PRR19: variants seen among roughly 807,000 people sequenced by gnomAD.
PRR19 encodes proline rich 19.
Under a neutral mutation model 19.2 loss-of-function variants are expected in PRR19, and 9 were observed. The observed-to-expected ratio is 0.47, with a 90% CI of 0.28 to 0.82. The LOEUF (loss-of-function observed/expected upper bound fraction) is 0.82, where lower values mean the gene tolerates loss of function less well. PRR19 is among the 40% of genes least tolerant of loss of function. The pLI is 0.11. For missense variants in PRR19, 457 were observed against 466.0 expected, an observed-to-expected ratio of 0.98 and a Z score of 0.18; for synonymous variants, 190 against 191.0, an observed-to-expected ratio of 0.99 and a Z score of 0.04.
At position 42,310,612 on chromosome 19, in the gene PRR19, C is replaced by A; in HGVS notation, c.943C>A (p.Pro315Thr). 1 of 1,614,032 alleles carries A rather than the reference C, an allele frequency of 6.2e-7. No individual in the cohort carries two copies. ...TCAGCCCCTGCCTCAGCCTTCATCA[C>A]CCCTGTTGCCCCGAACCTCTGTCCT... is the stretch of plus-strand genomic sequence containing the variant. Reference protein sequence around the residue: ...LPQPLPQPSSPLLPRTSVLDW... With the variant: ...LPQPLPQPSSTLLPRTSVLDW... The change falls in exon 3 of 3, where the codon CCC becomes ACC. Residue 315 changes from proline to threonine, a missense_variant. By Grantham distance (38) the Pro-to-Thr change is conservative. Coordinates refer to ENST00000341747, the MANE Select transcript of PRR19 (RefSeq NM_199285.3).
intron 1 of PRR19, among the ~76,000 whole-genome samples, chr19:42,305,562 G>A (rs1326367403): frequency 6.6e-6 from 1 of 152,148 alleles, no homozygotes; most frequent in Non-Finnish European, 1.5e-5. Context: ...ACAGGCGTGA[G>A]CCACCATACC....
intron 1 of PRR19, among the ~76,000 whole-genome samples, chr19:42,304,466 A>AAAAAAG (rs2038685490): frequency 1.3e-5 from 2 of 150,810 alleles, no homozygotes; most frequent in African/African-American, 4.9e-5. Context: ...AAAAAAAAAA[A>AAAAAAG]AAAAGGCTGG....
intron 1 of PRR19, among the ~76,000 whole-genome samples, chr19:42,302,943 A>C (rs530431570): frequency 8.5e-4 from 129 of 151,890 alleles, no homozygotes; most frequent in African/African-American, 2.6e-3. Flanking sequence ...TGTGGGGGAC[A>C]GAAAAGGAAG....
Position 42,302,444 on chromosome 19 carries a change from G to A in PRR19, c.-66G>A. ...GTCCCAACGCTAGCACACCCGCGGA[G>A]GACGAAGGCCGATACAGGGCGCCGC... On this transcript the variant is annotated 5_prime_UTR_variant, in exon 1 of 3. Transcript: ENST00000341747. 1.3e-6 allele frequency: 1 copy of A among 755,202 alleles called. No homozygotes were observed. The allele number at this position is 755,202 out of a possible 1,614,324, so 46.8% of individuals were successfully genotyped here.
At chr19:42,304,447 T>C (rs1298995588) in intron 1 of PRR19, among the ~76,000 whole-genome samples, 9 of 136,578 alleles carry the variant, frequency 6.6e-5, no homozygotes, top group African/African-American at 2.5e-4. Flanking sequence ...AGTGAGACCC[T>C]GTCTAAAAAA....
rs111321777 is a variant in PRR19, at chr19:42,310,559, C to A, written c.890C>A (p.Pro297His). The A allele has an allele frequency of 5.5e-4, 891 of 1,614,176 alleles. 16 individuals carry two copies. The African/African-American group carries it at 9.6e-3, about 17-fold the overall frequency. The change falls in exon 3 of 3, where the codon CCT (proline) becomes CAT (histidine). Residue 297 changes from proline to histidine, a missense_variant. Transcript: ENST00000341747. ...ATCTGGCTGGTAGCCACGCCACCCC[C>A]TCCTCGGCCCTGGGGGGTTGGCCTC... ...KSIWLVATPP[P>H]PRPWGVGLPQ...
At position 42,302,216 on chromosome 19, in the gene PRR19, A is replaced by G; in HGVS notation, c.-294A>G. 1 of 1,580,566 alleles carries G rather than the reference A, an allele frequency of 6.3e-7. No individual in the cohort carries two copies. Among genetic ancestry groups the G allele is most frequent in the Non-Finnish European group, 8.6e-7 (1 of 1,162,852 alleles). On this transcript the variant is annotated 5_prime_UTR_variant, in exon 1 of 3. Transcript: ENST00000341747. Reference sequence around the variant, plus strand: ...GCGCCCCCGGACTCCTCAATATCCCAGGTGGGAACGCTCACCAGGGACATC... The same window carrying G: ...GCGCCCCCGGACTCCTCAATATCCCGGGTGGGAACGCTCACCAGGGACATC...
intron 1 of PRR19, chr19:42,303,319 G>A (rs1228433546): frequency 6.6e-6 from 1 of 151,982 alleles, no homozygotes; most frequent in Non-Finnish European, 1.5e-5. Flanking sequence ...GCGTCCCTCC[G>A]GCAGATCATC....
chr19:42,307,331 GT>G (rs1568541572), intron 1 of PRR19, among the ~76,000 whole-genome samples: 1 of 151,904 alleles, frequency 6.6e-6, no homozygotes, highest in East Asian at 1.9e-4. Flanking sequence ...GCATTCCCCT[GT>G]ACCTCGTCTA....
At chr19:42,304,624 C>T (rs2038688255) in intron 1 of PRR19, among the ~76,000 whole-genome samples, 1 of 151,764 alleles carries the variant, frequency 6.6e-6, no homozygotes, top group East Asian at 1.9e-4. Context: ...GTGGCAGGCG[C>T]CTGTTGTCCC....
At chr19:42,308,724 T>G (rs1446423947) in intron 1 of PRR19, 2 of 151,932 alleles carry the variant, frequency 1.3e-5, no homozygotes, top group Non-Finnish European at 2.9e-5. Flanking sequence ...TTATTTTTAT[T>G]TTTTGTAGAG....
In PRR19 at chr19:42,310,447, G is replaced by C. The variant is rs771657527; in HGVS notation, c.778G>C (p.Gly260Arg). 6.2e-7 allele frequency: 1 copy of C among 1,614,196 alleles called. No homozygotes were observed. The highest frequency in any genetic ancestry group is 8.5e-7 in the Non-Finnish European group (1 of 1,180,026). Reference sequence around the variant, plus strand: ...CAGGGGGAGTCTGGCACCGCCAAGAGGTCCCTGGCCACCATACTTTCCCTC... The same window carrying C: ...CAGGGGGAGTCTGGCACCGCCAAGACGTCCCTGGCCACCATACTTTCCCTC... ...AHRGSLAPPRGPWPPYFPSLS... is the reference protein window; with the variant it reads ...AHRGSLAPPRRPWPPYFPSLS... The change falls in exon 3 of 3, where the codon GGT becomes CGT. Residue 260 changes from glycine to arginine, a missense_variant. Coordinates refer to ENST00000341747, the MANE Select transcript of PRR19 (RefSeq NM_199285.3).
At position 42,310,767 on chromosome 19, in the gene PRR19, C is replaced by A; in HGVS notation, c.*27C>A. On this transcript the variant is annotated 3_prime_UTR_variant, in exon 3 of 3. Transcript: ENST00000341747. Reference sequence around the variant, plus strand: ...GAGAGGCTGAGGCTAGGGCTGGGGACAGATATCTTGTACTCCCAGTGACCT... The same window carrying A: ...GAGAGGCTGAGGCTAGGGCTGGGGAAAGATATCTTGTACTCCCAGTGACCT... 1 of 1,442,526 alleles carries A rather than the reference C, an allele frequency of 6.9e-7. No homozygotes were observed. Among genetic ancestry groups the A allele is most frequent in the Non-Finnish European group, 9.4e-7 (1 of 1,066,678 alleles). The allele number at this position is 1,442,526 out of a possible 1,614,324, so 89.4% of individuals were successfully genotyped here.
At chr19:42,308,103 CCT>C (rs2038735157) in intron 1 of PRR19, among the ~76,000 whole-genome samples, 2 of 152,048 alleles carry the variant, frequency 1.3e-5, no homozygotes, top group South Asian at 2.1e-4. Flanking sequence ...TTCCTAATAG[CCT>C]CTCTCTGTTT....
rs1238585201 is a variant in PRR19 at position 42,310,674 on chromosome 19, C to A, written c.1005C>A (p.Ser335Arg). 14 of 1,607,300 alleles carry A rather than the reference C, an allele frequency of 8.7e-6. No individual in the cohort carries two copies. The East Asian group carries it at 3.1e-4, about 36-fold the overall frequency. Residue 335 changes from serine (S) to arginine (R), a missense_variant, in exon 3 of 3, where the codon AGC (serine) becomes AGA (arginine). By Grantham distance (110) the Ser-to-Arg change is moderately radical (BLOSUM62 -1). Coordinates refer to ENST00000341747, the MANE Select transcript of PRR19 (RefSeq NM_199285.3). ...WSPSPPSPLP[S>R]LSWVVAQSSP... Reference sequence around the variant, plus strand: ...CCAGCCCCCCTTCCCCACTGCCCAGCCTCTCCTGGGTAGTAGCCCAGAGCA... The same window carrying A: ...CCAGCCCCCCTTCCCCACTGCCCAGACTCTCCTGGGTAGTAGCCCAGAGCA...
At chr19:42,303,064 GGT>G (rs59660057) in intron 1 of PRR19, among the ~76,000 whole-genome samples, 11,368 of 133,858 alleles carry the variant, frequency 0.085, 641 homozygotes, top group African/African-American at 0.17. Context: ...AAACACCGTG[GGT>G]GTGTGTGTGT....
At chr19:42,309,420 G>C (rs2038755902) in intron 1 of PRR19, 159 bp from the exon 2 acceptor site, 1 of 566,256 alleles carries the variant, frequency 1.8e-6, no homozygotes, top group African/African-American at 1.8e-5. Flanking sequence ...TGTTGGCTAG[G>C]CTGGTCTAAA....
chr19:42,310,654 C>A lies in PRR19; in HGVS notation c.985C>A (p.Pro329Thr), dbSNP rs972080152. The A allele has an allele frequency of 6.2e-7, 1 of 1,611,828 alleles. No individual in the cohort carries two copies. Among genetic ancestry groups the A allele is most frequent in the Non-Finnish European group, 8.5e-7 (1 of 1,178,926 alleles). Residue 329 changes from proline (P) to threonine (T), a missense_variant, in exon 3 of 3, where the codon CCC (proline) becomes ACC (threonine). By Grantham distance (38) the Pro-to-Thr change is conservative (BLOSUM62 -1). Transcript: ENST00000341747. ...CTCTGTCCTGGACTGGAGCCCCAGC[C>A]CCCCTTCCCCACTGCCCAGCCTCTC... ...RTSVLDWSPSPPSPLPSLSWV... is the reference protein window; with the variant it reads ...RTSVLDWSPSTPSPLPSLSWV...
rs774297291 is a variant in PRR19, at chr19:42,309,724, T to A, written c.140T>A (p.Val47Glu). The change falls in exon 2 of 3, where the codon GTG (valine) becomes GAG (glutamate). Residue 47 changes from valine (V) to glutamate (E), a missense_variant. By Grantham distance (121) the Val-to-Glu change is moderately radical. Coordinates refer to ENST00000341747, the MANE Select transcript of PRR19 (RefSeq NM_199285.3). ...CCATTAGCCCACCACGATCCTCCTG[T>A]GGCCATTCGGGATCCACCTGTGGTC... is the stretch of plus-strand genomic sequence containing the variant. ...RRPLAHHDPP[V>E]AIRDPPVVPT... 16 of 1,607,588 alleles carry A rather than the reference T, an allele frequency of 1.0e-5. No homozygotes were observed. Among genetic ancestry groups the A allele is most frequent in the Non-Finnish European group, 1.4e-5 (16 of 1,175,144 alleles).
Sources: gnomAD v4.1 joint callset for allele counts (sites outside exome capture counted in the v4.1 genomes callset) on GRCh38, gnomAD v4.1.1 for gene constraint, MANE v1.5 for transcripts, NCBI Gene and HGNC (gene_info 2026-07-23, HGNC 2026-07-21) for gene names.